The following ANGPT1 variants were observed in gnomAD, a reference collection of about 807,000 sequenced individuals.
ANGPT1 encodes the protein angiopoietin 1.
Under a neutral mutation model 62.2 loss-of-function variants are expected in ANGPT1, and 17 were observed. The observed-to-expected ratio is 0.27, with a 90% CI of 0.19 to 0.41. The LOEUF (loss-of-function observed/expected upper bound fraction) is 0.41, where lower values mean the gene tolerates loss of function less well. Ranked by LOEUF, ANGPT1 falls within the 10% of genes least tolerant of loss-of-function variation. The pLI, the probability that ANGPT1 is intolerant of heterozygous loss-of-function variation, is 1.00. For synonymous variants in ANGPT1, 199 were observed against 198.9 expected, an observed-to-expected ratio of 1.00 and a Z score of 0.00; for missense variants, 478 against 594.9, an observed-to-expected ratio of 0.80 and a Z score of 2.04.
intron 8 of ANGPT1, among the ~76,000 whole-genome samples, chr8:107,259,060 G>C (rs1030035408): frequency 2.6e-5 from 4 of 152,142 alleles, no homozygotes; most frequent in Non-Finnish European, 4.4e-5. Flanking sequence ...CATTTGTGTA[G>C]AATAGGCTTA....
chr8:107,316,847 A>G (rs1430135003), intron 4 of ANGPT1, among the ~76,000 whole-genome samples: 1 of 152,170 alleles, frequency 6.6e-6, no homozygotes. Context: ...TCTTCCCACT[A>G]GAACAAGCTT....
At chr8:107,318,340 T>C (rs1228476892) in intron 4 of ANGPT1, among the ~76,000 whole-genome samples, 1 of 152,210 alleles carries the variant, frequency 6.6e-6, no homozygotes, top group Non-Finnish European at 1.5e-5. Context: ...TTCTTAAAAG[T>C]ATCTCACAAC....
chr8:107,359,602 A>G (rs1216013052), intron 1 of ANGPT1, among the ~76,000 whole-genome samples: 2 of 152,208 alleles, frequency 1.3e-5, no homozygotes, highest in African/African-American at 4.8e-5. Flanking sequence ...TAGACAAGAT[A>G]GTCTTGATTT....
chr8:107,256,888 A>T (rs1376335695), intron 8 of ANGPT1, among the ~76,000 whole-genome samples: 2 of 151,048 alleles, frequency 1.3e-5, no homozygotes, highest in African/African-American at 4.9e-5. Flanking sequence ...ATGGAGTCTC[A>T]CTCTGTCACC....
At chr8:107,282,553 CAT>C (rs753412026) in intron 7 of ANGPT1, among the ~76,000 whole-genome samples, 5,630 of 50,544 alleles carry the variant, frequency 0.11, 249 homozygotes, top group Admixed American at 0.15. Context: ...ATATATGAAC[CAT>C]ATATATATAT....
chr8:107,305,984 A>G (rs1814705747), intron 4 of ANGPT1, among the ~76,000 whole-genome samples: 1 of 152,038 alleles, frequency 6.6e-6, no homozygotes, highest in African/African-American at 2.4e-5. Context: ...ATTGACCTTT[A>G]GAGTTTTTTT....
chr8:107,384,667 G>A (rs1816700276), intron 1 of ANGPT1, among the ~76,000 whole-genome samples: 1 of 152,220 alleles, frequency 6.6e-6, no homozygotes, highest in East Asian at 1.9e-4. Flanking sequence ...CAGCAAAAAT[G>A]CTTTTGGAGT....
At position 107,299,422 on chromosome 8, in the gene ANGPT1, A is replaced by AC. The variant is rs1281291162; in HGVS notation, c.936+3817_936+3818insG. ...ATATATATATATATATATATATATA[A>AC]ACATACATATATATACTAAGCATAT... On this transcript the variant is annotated intron_variant, in intron 5 of 8. Coordinates refer to ENST00000517746, the MANE Select transcript of ANGPT1 (RefSeq NM_001146.5). Among the ~76,000 whole-genome samples, 163 of 116,128 alleles carry AC rather than the reference A, an allele frequency of 1.4e-3. 3 individuals are homozygous for AC. The highest frequency in any genetic ancestry group is 4.7e-3 in the African/African-American group (154 of 32,432). The allele number at this position is 116,128 out of a possible 152,430, so 76.2% of individuals were successfully genotyped here.
chr8:107,397,413 G>C (rs1288377989), intron 1 of ANGPT1, among the ~76,000 whole-genome samples: 1 of 150,202 alleles, frequency 6.7e-6, no homozygotes, highest in Non-Finnish European at 1.5e-5. Context: ...GGTAACATGA[G>C]GGGATTTTTT....
intron 1 of ANGPT1, among the ~76,000 whole-genome samples, chr8:107,432,937 A>G (rs1167891394): frequency 6.6e-6 from 1 of 152,120 alleles, no homozygotes; most frequent in African/African-American, 2.4e-5. Context: ...GTAGGCATTC[A>G]TTCCAGTTTG....
intron 1 of ANGPT1, among the ~76,000 whole-genome samples, chr8:107,432,285 A>C (rs901399452): frequency 2.6e-5 from 4 of 152,228 alleles, no homozygotes; most frequent in Non-Finnish European, 4.4e-5. Context: ...CGATGTTATA[A>C]GAGTCAGGTA....
chr8:107,309,179 T>C (rs1814791348), intron 4 of ANGPT1, among the ~76,000 whole-genome samples: 1 of 152,212 alleles, frequency 6.6e-6, no homozygotes, highest in Non-Finnish European at 1.5e-5. Context: ...CAATCGTTCA[T>C]TTTAAACCTT....
intron 3 of ANGPT1, among the ~76,000 whole-genome samples, chr8:107,327,862 G>A (rs1226206260): frequency 4.6e-5 from 7 of 152,122 alleles, no homozygotes; most frequent in Admixed American, 3.9e-4. Context: ...GGTTCTAAAT[G>A]AGTGTACAGC....
At chr8:107,319,803 CTCTTA>C (rs1815108158) in intron 4 of ANGPT1, among the ~76,000 whole-genome samples, 1 of 151,882 alleles carries the variant, frequency 6.6e-6, no homozygotes, top group African/African-American at 2.4e-5. Context: ...ACTTTTGTGT[CTCTTA>C]TGAGTTCTAA....
At chr8:107,326,033 C>T (rs765941455) in intron 3 of ANGPT1, among the ~76,000 whole-genome samples, 22 of 152,086 alleles carry the variant, frequency 1.4e-4, no homozygotes, top group African/African-American at 3.4e-4. Context: ...TATAATATAA[C>T]GCACATTAGC....
intron 7 of ANGPT1, among the ~76,000 whole-genome samples, chr8:107,271,690 G>T (rs1170508297): frequency 6.6e-6 from 1 of 151,964 alleles, no homozygotes; most frequent in African/African-American, 2.4e-5. Context: ...CCAAAGAGTT[G>T]CTTTGCTGAC....
intron 3 of ANGPT1, among the ~76,000 whole-genome samples, chr8:107,333,733 C>T (rs1286125390): frequency 6.6e-6 from 1 of 151,878 alleles, no homozygotes; most frequent in African/African-American, 2.4e-5. Flanking sequence ...TGCACCCTAA[C>T]TCACTTTTAC....
chr8:107,409,975 ATCCAT>A (rs1817232012), intron 1 of ANGPT1, among the ~76,000 whole-genome samples: 4 of 151,950 alleles, frequency 2.6e-5, no homozygotes, highest in Admixed American at 2.6e-4. Context: ...CCATCCATCC[ATCCAT>A]CCATCCAACC....
intron 4 of ANGPT1, among the ~76,000 whole-genome samples, chr8:107,312,777 G>A (rs1586213228): frequency 6.6e-6 from 1 of 152,044 alleles, no homozygotes; most frequent in Non-Finnish European, 1.5e-5. Flanking sequence ...TCTAAGGTGT[G>A]CCATACTTCT....
Sources: gnomAD v4.1 joint callset for allele counts (sites outside exome capture counted in the v4.1 genomes callset) on GRCh38, gnomAD v4.1.1 for gene constraint, MANE v1.5 for transcripts, NCBI Gene and HGNC (gene_info 2026-07-23, HGNC 2026-07-21) for gene names.